The following XYLB variants were observed in gnomAD, a reference collection of about 807,000 sequenced individuals.
The protein encoded by XYLB is xylulose kinase.
A neutral mutation model predicts 78.7 loss-of-function variants in XYLB; 62 were observed. The ratio of observed to expected loss-of-function variants is 0.79; its 90% CI spans 0.64 to 0.97. The LOEUF (loss-of-function observed/expected upper bound fraction) is 0.97, where lower values mean the gene tolerates loss of function less well. XYLB is among the 50% of genes least tolerant of loss of function. The pLI is 0.00. For synonymous variants in XYLB, 245 were observed against 247.4 expected (o/e 0.99, Z 0.09); for missense variants, 687 against 676.8 (o/e 1.02, Z -0.17).
rs1436105741 is a variant in XYLB at position 38,370,121 on chromosome 3, G to A, written c.712G>A (p.Ala238Thr). 1 of 1,614,072 alleles carries A rather than the reference G, an allele frequency of 6.2e-7. No individual in the cohort carries two copies. Among genetic ancestry groups the A allele is most frequent in the Admixed American group, 1.7e-5 (1 of 60,008 alleles). ...VWSQACLGAC[A>T]PHLEEKLSPP... Reference sequence around the variant, plus strand: ...GTCCCAGGCTTGCCTTGGTGCCTGTGCACCTCATTTAGAGGAGAAGCTTAG... The same window carrying A: ...GTCCCAGGCTTGCCTTGGTGCCTGTACACCTCATTTAGAGGAGAAGCTTAG... The change falls in exon 9 of 19, where the codon GCA (alanine) becomes ACA (threonine). Residue 238 changes from alanine to threonine, a missense_variant. Transcript: ENST00000207870.
At chr3:38,407,385 A>G (rs1708370391) in intron 18 of XYLB, among the ~76,000 whole-genome samples, 1 of 152,334 alleles carries the variant, frequency 6.6e-6, no homozygotes, top group South Asian at 2.1e-4. Flanking sequence ...TGAAGGAAGC[A>G]CTAAACATGG....
downstream of XYLB, among the ~76,000 whole-genome samples, chr3:38,425,476 T>G (rs936645787): frequency 6.6e-6 from 1 of 152,242 alleles, no homozygotes; most frequent in Non-Finnish European, 1.5e-5. Context: ...TATAGGACTC[T>G]GCACATACAA....
downstream of XYLB, among the ~76,000 whole-genome samples, chr3:38,415,506 G>T (rs894397583): frequency 2.0e-5 from 3 of 152,160 alleles, no homozygotes; most frequent in African/African-American, 7.2e-5. Context: ...TACCCAGCTG[G>T]GAATGGTGGC....
rs551539850 is a variant in XYLB, at chr3:38,357,543, C to T, written c.141-2796C>T. 9.1e-4 allele frequency among the ~76,000 whole-genome samples: 139 copies of T among 152,254 alleles called. 1 individual carries two copies. In the South Asian group the frequency reaches 0.017, roughly 19 times the overall value. On this transcript the variant is annotated intron_variant, in intron 2 of 18. Transcript: ENST00000207870. ...CTGGAACTACAGGCACCCGCCACCA[C>T]GCCTGGCTAATTTTTTGTATTTTTA...
chr3:38,354,277 AGGTT>A (rs1480114860), intron 2 of XYLB, among the ~76,000 whole-genome samples: 1 of 152,128 alleles, frequency 6.6e-6, no homozygotes, highest in Non-Finnish European at 1.5e-5. Flanking sequence ...CATGTTGGCC[AGGTT>A]GGTCTCTAAC....
At chr3:38,368,079 C>G in intron 7 of XYLB, 106 bp from the exon 8 acceptor site, 1 of 1,076,390 alleles carries the variant, frequency 9.3e-7, no homozygotes, top group Non-Finnish European at 1.4e-6. Context: ...TTCAAAGTTT[C>G]CACTTCCCTC....
the XYLB span, among the ~76,000 whole-genome samples, chr3:38,435,704 G>A: frequency 6.6e-6 from 1 of 152,108 alleles, no homozygotes; most frequent in South Asian, 2.1e-4. Context: ...CACAAAACAA[G>A]CCTCAACAAT....
intron 6 of XYLB, 134 bp downstream of exon 6, chr3:38,365,870 C>T: frequency 7.3e-7 from 1 of 1,372,086 alleles, no homozygotes; most frequent in Non-Finnish European, 9.6e-7. Context: ...ACTCTGGCCC[C>T]TGGGTCCTGA....
intron 2 of XYLB, chr3:38,356,365 A>G (rs1705656184): frequency 1.3e-5 from 2 of 152,548 alleles, no homozygotes; most frequent in African/African-American, 4.8e-5. Context: ...TTCAAAGAAC[A>G]ATATCACTAT....
At chr3:38,357,584 C>T (rs1705726101) in intron 2 of XYLB, among the ~76,000 whole-genome samples, 2 of 152,140 alleles carry the variant, frequency 1.3e-5, no homozygotes, top group South Asian at 4.1e-4. Flanking sequence ...GATGGGGTTT[C>T]ACCGTGTTAG....
the XYLB span, among the ~76,000 whole-genome samples, chr3:38,442,700 G>T: frequency 1.3e-5 from 2 of 150,894 alleles, no homozygotes; most frequent in Non-Finnish European, 2.9e-5. Context: ...CTAGAATTGG[G>T]GTGTTGCAGG....
At chr3:38,370,702 T>C (rs1156513887) in intron 9 of XYLB, among the ~76,000 whole-genome samples, 3 of 152,152 alleles carry the variant, frequency 2.0e-5, no homozygotes, top group Admixed American at 6.5e-5. Flanking sequence ...TTGTGCAAAT[T>C]AGATGAGTTA....
chr3:38,367,017 A>C, intron 7 of XYLB, 144 bp downstream of exon 7: 1 of 620,334 alleles, frequency 1.6e-6, no homozygotes, highest in Non-Finnish European at 2.8e-6. Flanking sequence ...CTTTTTTCTC[A>C]TTGTCAGGAC....
chr3:38,404,609 G>A (rs917106097), intron 18 of XYLB, among the ~76,000 whole-genome samples: 32 of 152,184 alleles, frequency 2.1e-4, no homozygotes, highest in Non-Finnish European at 1.9e-4. Context: ...ATGAGGTCAG[G>A]AGTTAGAGAC....
At chr3:38,436,574 C>T in the XYLB span, among the ~76,000 whole-genome samples, 2 of 152,114 alleles carry the variant, frequency 1.3e-5, no homozygotes, top group Non-Finnish European at 2.9e-5. Flanking sequence ...TTCTATGAGG[C>T]CAGCATCACC....
the XYLB span, among the ~76,000 whole-genome samples, chr3:38,444,995 G>A: frequency 5.3e-5 from 8 of 152,088 alleles, no homozygotes; most frequent in Non-Finnish European, 1.0e-4. Flanking sequence ...CTCTTAGACC[G>A]CAAAGAGGAC....
chr3:38,392,577 G>A (rs550668237), intron 15 of XYLB, among the ~76,000 whole-genome samples: 3 of 152,188 alleles, frequency 2.0e-5, no homozygotes, highest in South Asian at 2.1e-4. Context: ...GATTACAGGC[G>A]TGAGCCACCG....
At chr3:38,375,381 G>C (rs1290351884) in intron 12 of XYLB, 122 bp downstream of exon 12, 5 of 840,486 alleles carry the variant, frequency 5.9e-6, no homozygotes, top group African/African-American at 1.7e-5. Context: ...ACTTTCCCGG[G>C]CTCTGCTGGG....
intron 15 of XYLB, among the ~76,000 whole-genome samples, chr3:38,380,959 AC>A (rs1405498522): frequency 6.6e-6 from 1 of 152,224 alleles, no homozygotes; most frequent in African/African-American, 2.4e-5. Context: ...GGGTCTCTGT[AC>A]ATCAAATTCA....
Sources: gnomAD v4.1 joint callset for allele counts (sites outside exome capture counted in the v4.1 genomes callset) on GRCh38, gnomAD v4.1.1 for gene constraint, MANE v1.5 for transcripts, NCBI Gene and HGNC (gene_info 2026-07-23, HGNC 2026-07-21) for gene names.